The following ZNF334 variants were observed in gnomAD, a reference collection of about 807,000 sequenced individuals.
ZNF334 encodes the protein zinc finger protein 334.
In ZNF334, 14 loss-of-function variants were observed where a neutral mutation model predicts 12.4. That is an observed-to-expected ratio of 1.13 (90% CI 0.74 to 1.76). The LOEUF (loss-of-function observed/expected upper bound fraction) is 1.76. ZNF334 is among the 40% of genes most tolerant of loss of function. The pLI is 0.00. For missense variants in ZNF334, 797 were observed against 804.5 expected, an observed-to-expected ratio of 0.99 and a Z score of 0.11; for synonymous variants, 273 against 269.6, an observed-to-expected ratio of 1.01 and a Z score of -0.12.
At chr20:46,472,404 T>C in the ZNF334 span, among the ~76,000 whole-genome samples, 2 of 152,154 alleles carry the variant, frequency 1.3e-5, no homozygotes, top group Non-Finnish European at 2.9e-5. Context: ...GAGAAAAACA[T>C]ATACAGTAGG....
the ZNF334 span, chr20:46,491,089 A>C: frequency 6.5e-6 from 1 of 152,714 alleles, no homozygotes; most frequent in Non-Finnish European, 1.5e-5. Flanking sequence ...TCCAGAGAAT[A>C]TGTACACTAT....
the ZNF334 span, among the ~76,000 whole-genome samples, chr20:46,465,678 T>A: frequency 6.6e-6 from 1 of 152,146 alleles, no homozygotes; most frequent in South Asian, 2.1e-4. Flanking sequence ...TGAGCTATGA[T>A]CGTGCCACTG....
chr20:46,510,110 TACA>T (rs1224938872), intron 2 of ZNF334, among the ~76,000 whole-genome samples: 1 of 152,116 alleles, frequency 6.6e-6, no homozygotes, highest in Non-Finnish European at 1.5e-5. Flanking sequence ...GGTCATGACA[TACA>T]TAGCCTTACA....
chr20:46,502,891 T>C lies in ZNF334; in HGVS notation c.448A>G (p.Ile150Val), dbSNP rs768381332. The C allele has an allele frequency of 1.2e-6, 2 of 1,613,762 alleles. No homozygotes were observed. The highest frequency in any genetic ancestry group is 2.2e-5 in the South Asian group (2 of 91,004). ...GNSLKTNSEV[I>V]VAKKSKENRK... is the part of the protein sequence containing the mutation. ...TTTTCTTTGCTTTTCTTTGCAACAATTACTTCTGAATTAGTTTTCAAACTG... is the reference window on the plus strand; with the variant it reads ...TTTTCTTTGCTTTTCTTTGCAACAACTACTTCTGAATTAGTTTTCAAACTG... Residue 150 changes from isoleucine (I) to valine (V), a missense_variant, in exon 5 of 5, where the codon ATT becomes GTT. Transcript: ENST00000692313.
the ZNF334 span, among the ~76,000 whole-genome samples, chr20:46,468,561 G>T: frequency 6.6e-6 from 1 of 151,860 alleles, no homozygotes; most frequent in African/African-American, 2.4e-5. Context: ...TTGGGATTAC[G>T]GGCGTGAGCT....
At chr20:46,477,421 C>T in the ZNF334 span, among the ~76,000 whole-genome samples, 1 of 151,966 alleles carries the variant, frequency 6.6e-6, no homozygotes, top group South Asian at 2.1e-4. Context: ...TCACTGCTGC[C>T]TCAAATGGTG....
At position 46,502,376 on chromosome 20, in the gene ZNF334, A is replaced by G; in HGVS notation, c.963T>C (p.Tyr321=). 2 of 1,614,094 alleles carry G rather than the reference A, an allele frequency of 1.2e-6. No individual in the cohort carries two copies. Among genetic ancestry groups the G allele is most frequent in the Non-Finnish European group, 8.5e-7 (1 of 1,180,014 alleles). ...AGGTCTTTCCACATTCATTACACTC[A>G]TAGGATTTCTCCCCTCCATGAATTT... The part of the protein sequence containing the change: ...HQKIHGGEKS[Y]ECNECGKTFF... Residue 321 remains tyrosine (Y), a synonymous_variant, in exon 5 of 5, where the codon TAT becomes TAC. Transcript: ENST00000692313.
chr20:46,475,891 C>A, the ZNF334 span, among the ~76,000 whole-genome samples: 1 of 152,174 alleles, frequency 6.6e-6, no homozygotes, highest in African/African-American at 2.4e-5. Flanking sequence ...AATTCCTCTA[C>A]AACCTGGCAA....
At chr20:46,473,080 T>C in the ZNF334 span, among the ~76,000 whole-genome samples, 1 of 152,240 alleles carries the variant, frequency 6.6e-6, no homozygotes, top group African/African-American at 2.4e-5. Flanking sequence ...GTACCTTTTA[T>C]TTTCTAAAAG....
At chr20:46,464,064 T>C in the ZNF334 span, 1 of 629,086 alleles carries the variant, frequency 1.6e-6, no homozygotes, top group East Asian at 3.8e-5. Context: ...TGTTCTCTCT[T>C]TCCTCAATGA....
rs374488446 is a variant in ZNF334 at position 46,501,763 on chromosome 20, C to T, written c.1576G>A (p.Val526Ile). 7.0e-5 allele frequency: 113 copies of T among 1,613,994 alleles called. No homozygotes were observed. Among genetic ancestry groups the T allele is most frequent in the East Asian group, 1.3e-4 (6 of 44,892 alleles). Residue 526 changes from valine (V) to isoleucine (I), a missense_variant, in exon 5 of 5, where the codon GTC (valine) becomes ATC (isoleucine). Val to Ile is a conservative substitution (Grantham distance 29, BLOSUM62 3). Coordinates refer to ENST00000692313, the MANE Select transcript of ZNF334 (RefSeq NM_001353824.2). ...ACAATGAGGTGTGAGTTTTTGCTGA[C>T]GGCATGCCCATGTTCACTACACTCA... The part of the protein sequence containing the change: ...LYECSEHGHA[V>I]SKNSHLIVHQ...
intron 2 of ZNF334, among the ~76,000 whole-genome samples, chr20:46,506,858 T>C (rs1189187187): frequency 2.6e-5 from 4 of 152,078 alleles, no homozygotes. Flanking sequence ...ATGCCTGTAA[T>C]CACAGCACTT....
chr20:46,489,963 G>A, the ZNF334 span, among the ~76,000 whole-genome samples: 2 of 152,114 alleles, frequency 1.3e-5, no homozygotes, highest in East Asian at 1.9e-4. Context: ...TCTATAATTC[G>A]TATGTGTGTA....
downstream of ZNF334, among the ~76,000 whole-genome samples, chr20:46,498,759 T>C (rs1159740296): frequency 6.6e-6 from 1 of 152,174 alleles, no homozygotes; most frequent in African/African-American, 2.4e-5. Context: ...TATTTGGAAA[T>C]AGGATTGTTG....
rs199815694 is a variant in ZNF334 at position 46,502,653 on chromosome 20, C to T, written c.686G>A (p.Gly229Glu). The change falls in exon 5 of 5, where the codon GGG becomes GAG. Residue 229 changes from glycine (G) to glutamate (E), a missense_variant. Physicochemically the swap from Gly to Glu is moderately conservative, Grantham distance 98. Transcript: ENST00000692313. ...ATTTGGTTTCCTTTCAGTCTGTCTC[C>T]CCTTTTGTGTAATGAGAATTGCCCT... ...FKRAILITQK[G>E]RQTERKPNEC... 5.2e-5 allele frequency: 84 copies of T among 1,612,464 alleles called. No individual in the cohort carries two copies. The highest frequency in any genetic ancestry group is 1.6e-4 in the Middle Eastern group (1 of 6,084).
At chr20:46,494,064 G>GA in the ZNF334 span, among the ~76,000 whole-genome samples, 1 of 152,204 alleles carries the variant, frequency 6.6e-6, no homozygotes, top group South Asian at 2.1e-4. Flanking sequence ...AGAATATGGA[G>GA]AACCTATTAC....
chr20:46,469,285 A>C, the ZNF334 span, among the ~76,000 whole-genome samples: 1 of 151,980 alleles, frequency 6.6e-6, no homozygotes, highest in Non-Finnish European at 1.5e-5. Context: ...CAAGTAGATG[A>C]GTTTATTAGG....
chr20:46,463,540 G>A, the ZNF334 span, among the ~76,000 whole-genome samples: 6 of 152,252 alleles, frequency 3.9e-5, no homozygotes, highest in Admixed American at 1.3e-4. Context: ...AAGCAGGGCC[G>A]CAGCTTTTAC....
At chr20:46,467,103 G>A in the ZNF334 span, among the ~76,000 whole-genome samples, 1 of 152,098 alleles carries the variant, frequency 6.6e-6, no homozygotes, top group Non-Finnish European at 1.5e-5. Context: ...GTGAAAAAAG[G>A]ATAAAATAAC....
Sources: gnomAD v4.1 joint callset for allele counts (sites outside exome capture counted in the v4.1 genomes callset) on GRCh38, gnomAD v4.1.1 for gene constraint, MANE v1.5 for transcripts, NCBI Gene and HGNC (gene_info 2026-07-23, HGNC 2026-07-21) for gene names.